TAFA1: variants seen among roughly 807,000 people sequenced by gnomAD.
TAFA1 encodes chemokine-like protein TAFA-1.
TAFA1 carries 4 observed loss-of-function variants against 18.5 expected under a neutral mutation model. The ratio of observed to expected loss-of-function variants is 0.22; its 90% CI spans 0.11 to 0.49. TAFA1 has a LOEUF of 0.49. Among genes scored for constraint, TAFA1 ranks in the 20% least tolerant of loss-of-function variants. The pLI, the probability that TAFA1 is intolerant of heterozygous loss-of-function variation, is 0.98. For missense variants in TAFA1, 147 were observed against 169.0 expected (o/e 0.87, Z 0.72); for synonymous variants, 56 against 55.2 (o/e 1.01, Z -0.06).
At chr3:68,345,345 G>T (rs1208546438) in intron 2 of TAFA1, among the ~76,000 whole-genome samples, 1 of 152,178 alleles carries the variant, frequency 6.6e-6, no homozygotes, top group Non-Finnish European at 1.5e-5. Flanking sequence ...ACCAGTGAGT[G>T]GCTGCTGTGT....
rs372487958 is a variant in TAFA1, at chr3:68,476,260, T to C, written c.259+58840T>C. ...CTACAGAATGGGAGAAAATTTTTGC[T>C]GGCTTCTAATTTTAAAGGTCCTGAC... On this transcript the variant is annotated intron_variant, in intron 3 of 4. Transcript: ENST00000478136. Among the ~76,000 whole-genome samples, 79 of 152,340 alleles carry C rather than the reference T, an allele frequency of 5.2e-4. No individual in the cohort carries two copies. In the East Asian group the frequency reaches 0.011, roughly 21 times the overall value.
chr3:68,321,136 C>T (rs536983238), intron 2 of TAFA1, among the ~76,000 whole-genome samples: 7 of 152,070 alleles, frequency 4.6e-5, no homozygotes, highest in Non-Finnish European at 7.4e-5. Context: ...CTTTTTCTCT[C>T]GAATAGGGGA....
chr3:68,350,289 G>T (rs1260899929), intron 2 of TAFA1, among the ~76,000 whole-genome samples: 1 of 152,094 alleles, frequency 6.6e-6, no homozygotes, highest in East Asian at 1.9e-4. Context: ...AAAATGTTGA[G>T]TATGTGTTAT....
At chr3:68,221,175 T>TA (rs1160881695) in intron 2 of TAFA1, among the ~76,000 whole-genome samples, 1 of 152,206 alleles carries the variant, frequency 6.6e-6, no homozygotes, top group African/African-American at 2.4e-5. Context: ...TTTGGTCCAG[T>TA]AACAAATACT....
chr3:68,456,686 T>TA (rs2071672081), intron 3 of TAFA1, among the ~76,000 whole-genome samples: 1 of 152,190 alleles, frequency 6.6e-6, no homozygotes, highest in Non-Finnish European at 1.5e-5. Flanking sequence ...TGCACCCATA[T>TA]AAAAGCTTCA....
chr3:68,339,077 G>A (rs556686637), intron 2 of TAFA1, among the ~76,000 whole-genome samples: 2 of 152,226 alleles, frequency 1.3e-5, no homozygotes, highest in African/African-American at 2.4e-5. Context: ...ATTAGCTAAA[G>A]CAAGTCGCAT....
rs569729133 is a variant in TAFA1, at chr3:68,376,221, G to C, written c.119-41059G>C. Among the ~76,000 whole-genome samples, 5 of 151,784 alleles carry C rather than the reference G, an allele frequency of 3.3e-5. No homozygotes were observed. In the South Asian group the frequency reaches 8.4e-4, roughly 25 times the overall value. ...TGGTTCAGTGTTTAATCTTGGAATC[G>C]AGTTATTTGGAATTCTATCCTAGTT... On this transcript the variant is annotated intron_variant, in intron 2 of 4. Coordinates refer to ENST00000478136, the MANE Select transcript of TAFA1 (RefSeq NM_213609.4).
intron 3 of TAFA1, among the ~76,000 whole-genome samples, chr3:68,526,091 C>T (rs1489380507): frequency 6.6e-6 from 1 of 152,216 alleles, no homozygotes; most frequent in East Asian, 1.9e-4. Context: ...AGAGACACTT[C>T]TCTCCTAGTT....
At chr3:68,430,707 GC>G (rs2071153605) in intron 3 of TAFA1, among the ~76,000 whole-genome samples, 1 of 151,892 alleles carries the variant, frequency 6.6e-6, no homozygotes, top group African/African-American at 2.4e-5. Flanking sequence ...GATACTACCA[GC>G]CTCCACACAT....
chr3:68,139,929 A>G (rs371038725), intron 2 of TAFA1, among the ~76,000 whole-genome samples: 4 of 152,306 alleles, frequency 2.6e-5, no homozygotes, highest in African/African-American at 9.6e-5. Context: ...CTGTTTTGTT[A>G]TCGACAAAAT....
intron 3 of TAFA1, among the ~76,000 whole-genome samples, chr3:68,475,097 C>T (rs975911752): frequency 2.0e-5 from 3 of 151,880 alleles, no homozygotes; most frequent in Admixed American, 6.6e-5. Flanking sequence ...GAAACGATTC[C>T]TGGTCCCAAT....
intron 3 of TAFA1, among the ~76,000 whole-genome samples, chr3:68,520,145 G>A (rs1192752933): frequency 2.0e-5 from 3 of 152,042 alleles, no homozygotes; most frequent in African/African-American, 7.2e-5. Context: ...AATGGTTTTT[G>A]AGCTTGGCAT....
chr3:68,134,491 G>A (rs919917027), intron 2 of TAFA1, among the ~76,000 whole-genome samples: 1 of 152,068 alleles, frequency 6.6e-6, no homozygotes, highest in Non-Finnish European at 1.5e-5. Flanking sequence ...TTAATTTTGG[G>A]TTCTTGTTTT....
chr3:68,117,764 A>C (rs1034797424), intron 2 of TAFA1, among the ~76,000 whole-genome samples: 3 of 152,250 alleles, frequency 2.0e-5, no homozygotes, highest in Non-Finnish European at 4.4e-5. Flanking sequence ...AAAAATTTTC[A>C]TCAATTTATA....
chr3:68,026,058 G>A (rs1035839299), intron 2 of TAFA1, among the ~76,000 whole-genome samples: 3 of 152,094 alleles, frequency 2.0e-5, no homozygotes, highest in Non-Finnish European at 2.9e-5. Context: ...AAAGAAAAAT[G>A]TCAGGACCAC....
rs1447536743 is a variant in TAFA1 at position 68,180,036 on chromosome 3, A to ATTATTATTATTATTC, written c.118+173300_118+173301insATTATTCTTATTATT. Among the ~76,000 whole-genome samples, 3 of 147,958 alleles carry ATTATTATTATTATTC rather than the reference A, an allele frequency of 2.0e-5. No homozygotes were observed. In the East Asian group the frequency reaches 5.9e-4, roughly 29 times the overall value. On this transcript the variant is annotated intron_variant, in intron 2 of 4. Transcript: ENST00000478136. ...TTTTATTATTATTATTATTATTATT[A>ATTATTATTATTATTC]TTATTATTTGAGAGGGAGTCTTACT...
intron 2 of TAFA1, among the ~76,000 whole-genome samples, chr3:68,048,060 G>A (rs1305970354): frequency 6.6e-6 from 1 of 152,068 alleles, no homozygotes; most frequent in African/African-American, 2.4e-5. Context: ...GAATCATGAA[G>A]GTAACAAACC....
intron 2 of TAFA1, among the ~76,000 whole-genome samples, chr3:68,345,278 A>G (rs992874191): frequency 6.6e-6 from 1 of 152,158 alleles, no homozygotes; most frequent in Non-Finnish European, 1.5e-5. Context: ...CCAGGGCCAG[A>G]TCTAATCCTT....
chr3:68,366,072 C>CGA (rs2069565602), intron 2 of TAFA1, among the ~76,000 whole-genome samples: 1 of 121,894 alleles, frequency 8.2e-6, no homozygotes, highest in Non-Finnish European at 1.6e-5. Context: ...GGCAACAGAG[C>CGA]GAGACTCCAT....
Sources: allele counts gnomAD v4.1 joint callset (sites outside exome capture counted in the v4.1 genomes callset), GRCh38; gene constraint gnomAD v4.1.1; transcripts MANE v1.5; gene names NCBI Gene and HGNC (gene_info 2026-07-23, HGNC 2026-07-21).